The following RFX4 variants were observed in gnomAD, a reference collection of about 807,000 sequenced individuals.
The protein encoded by RFX4 is transcription factor RFX4.
RFX4 carries 10 observed loss-of-function variants against 95.0 expected under a neutral mutation model. The observed-to-expected ratio is 0.11, with a 90% CI of 0.06 to 0.18. The LOEUF is 0.18. Ranked by LOEUF, RFX4 falls within the 10% of genes least tolerant of loss-of-function variation. The probability of loss-of-function intolerance (pLI) is 1.00; values close to 1 mark genes in which losing one functional copy is unlikely to be tolerated. For synonymous variants in RFX4, 321 were observed against 340.7 expected (o/e 0.94, Z 0.64); for missense variants, 640 against 922.0 (o/e 0.69, Z 3.96).
rs752216540 is a variant in RFX4, at chr12:106,682,034, C to T, written c.357C>T (p.Leu119=). The part of the protein sequence containing the change: ...QQFPQLTTRR[L]GTRGQSKYHY... ...TTCCTCAGTTAACCACCAGAAGACT[C>T]GGGACCCGAGGACAGTCAAAGTAAG... is the stretch of plus-strand genomic sequence containing the variant. Residue 119 remains leucine (L), a synonymous_variant, in exon 5 of 18, where the codon CTC becomes CTT. Transcript: ENST00000392842. 11 of 1,614,158 alleles carry T rather than the reference C, an allele frequency of 6.8e-6. No homozygotes were observed. Among genetic ancestry groups the T allele is most frequent in the East Asian group, 2.2e-5 (1 of 44,880 alleles).
At chr12:106,596,152 G>C (rs1297818948) in intron 1 of RFX4, among the ~76,000 whole-genome samples, 1 of 152,182 alleles carries the variant, frequency 6.6e-6, no homozygotes, top group African/African-American at 2.4e-5. Flanking sequence ...TCATCTTGTA[G>C]CTCCCATAAT....
chr12:106,759,466 T>C (rs1235608354), intron 17 of RFX4, among the ~76,000 whole-genome samples: 2 of 152,192 alleles, frequency 1.3e-5, no homozygotes, highest in South Asian at 2.1e-4. Flanking sequence ...TAGTTCCTAA[T>C]GTTATCTGTT....
chr12:106,583,543 G>A lies in RFX4; in HGVS notation c.43+180G>A, dbSNP rs1273410485. 2.6e-5 allele frequency: 14 copies of A among 533,560 alleles called. No individual in the cohort carries two copies. The East Asian group carries it at 4.4e-4, about 17-fold the overall frequency. 33.1% of individuals were successfully genotyped at this position (533,560 alleles called of 1,614,324 possible). On this transcript the variant is annotated intron_variant, in intron 1 of 17. Coordinates refer to ENST00000392842, the MANE Select transcript of RFX4 (RefSeq NM_213594.3). ...GGCGATGTGTGTAACTGGATGCGTG[G>A]AAGTATGTGTATAAGCGTGTGATTG... is the stretch of plus-strand genomic sequence containing the variant.
chr12:106,645,811 T>C lies in RFX4; in HGVS notation c.191+6419T>C, dbSNP rs1565962556. On this transcript the variant is annotated intron_variant, in intron 3 of 17. Coordinates refer to ENST00000392842, the MANE Select transcript of RFX4 (RefSeq NM_213594.3). ...CAGAACATTGCTTTCATAATGTGAG[T>C]TAGGTAACATGGTTCTAAAAAGGGA... 7 of 841,948 alleles carry C rather than the reference T, an allele frequency of 8.3e-6. No individual in the cohort carries two copies. The East Asian group carries it at 3.8e-4, about 46-fold the overall frequency. The allele number at this position is 841,948 out of a possible 1,614,324, so 52.2% of individuals were successfully genotyped here.
intron 10 of RFX4, among the ~76,000 whole-genome samples, chr12:106,714,054 G>A (rs987876099): frequency 1.3e-5 from 1 of 79,756 alleles, no homozygotes; most frequent in African/African-American, 5.8e-5. Context: ...GGCAACAAGA[G>A]TGAAACTCCA....
rs1229450417 is a variant in RFX4 at position 106,715,429 on chromosome 12, C to T, written c.1023C>T (p.Asp341=). Residue 341 remains aspartate (D), a synonymous_variant, in exon 11 of 18, where the codon GAC becomes GAT. Transcript: ENST00000392842. Reference sequence around the variant, plus strand: ...CTCGAACAGTGATCCACAGTGCAGACATCACGTTCCAAATGCTGGAAGACT... The same window carrying T: ...CTCGAACAGTGATCCACAGTGCAGATATCACGTTCCAAATGCTGGAAGACT... The part of the protein sequence containing the change: ...QASRTVIHSA[D]ITFQMLEDWR... 1.2e-6 allele frequency: 2 copies of T among 1,614,092 alleles called. No homozygotes were observed. The highest frequency in any genetic ancestry group is 1.7e-6 in the Non-Finnish European group (2 of 1,180,036).
chr12:106,671,625 A>C (rs1478001453), intron 4 of RFX4, among the ~76,000 whole-genome samples: 1 of 152,008 alleles, frequency 6.6e-6, no homozygotes, highest in African/African-American at 2.4e-5. Context: ...TGAGATCATC[A>C]TACTCTCTTC....
intron 17 of RFX4, among the ~76,000 whole-genome samples, chr12:106,754,918 A>C (rs1433197011): frequency 6.6e-6 from 1 of 152,228 alleles, no homozygotes; most frequent in Non-Finnish European, 1.5e-5. Context: ...GGAAGAAATT[A>C]ATTATATCAG....
intron 1 of RFX4, among the ~76,000 whole-genome samples, chr12:106,604,413 C>T (rs948362226): frequency 6.6e-5 from 10 of 152,096 alleles, no homozygotes; most frequent in African/African-American, 2.2e-4. Flanking sequence ...TGAGCCACCA[C>T]ACCTGGCCGC....
chr12:106,735,232 G>A (rs2042689044), intron 15 of RFX4, among the ~76,000 whole-genome samples: 1 of 152,088 alleles, frequency 6.6e-6, no homozygotes, highest in Non-Finnish European at 1.5e-5. Context: ...CTGAGCTGAG[G>A]AGTTCTCTGA....
At position 106,689,300 on chromosome 12, in the gene RFX4, T is replaced by G; in HGVS notation, c.605T>G (p.Ile202Ser). Residue 202 changes from isoleucine to serine, a missense_variant, in exon 7 of 18, where the codon ATT becomes AGT. Ile to Ser is a moderately radical substitution (Grantham distance 142). Transcript: ENST00000392842. ...ACACCCCCACAGGTTTCTACCTTTATTATGATGTACAGAACACACTGTCAG... is the reference window on the plus strand; with the variant it reads ...ACACCCCCACAGGTTTCTACCTTTAGTATGATGTACAGAACACACTGTCAG... ...SLPEEKVSTFIMMYRTHCQRI... is the reference protein window; with the variant it reads ...SLPEEKVSTFSMMYRTHCQRI... The G allele has an allele frequency of 6.2e-7, 1 of 1,613,416 alleles. No homozygotes were observed. Among genetic ancestry groups the G allele is most frequent in the Non-Finnish European group, 8.5e-7 (1 of 1,179,336 alleles).
At chr12:106,707,904 G>C (rs1004875507) in intron 8 of RFX4, among the ~76,000 whole-genome samples, 4 of 152,180 alleles carry the variant, frequency 2.6e-5, no homozygotes, top group Admixed American at 1.3e-4. Flanking sequence ...AGGCCAAGGC[G>C]GGTGGATCAC....
intron 3 of RFX4, among the ~76,000 whole-genome samples, chr12:106,647,990 A>G (rs1055437436): frequency 6.6e-6 from 1 of 152,212 alleles, no homozygotes; most frequent in Admixed American, 6.5e-5. Context: ...TATTTGAGCC[A>G]TAAGCTATGA....
At chr12:106,615,561 T>C (rs1287488682) in intron 2 of RFX4, among the ~76,000 whole-genome samples, 1 of 152,242 alleles carries the variant, frequency 6.6e-6, no homozygotes, top group East Asian at 1.9e-4. Flanking sequence ...GAATCTATAA[T>C]AAATTTGGGA....
intron 5 of RFX4, 64 bp downstream of exon 5, chr12:106,682,118 C>A: frequency 6.5e-7 from 1 of 1,530,476 alleles, no homozygotes; most frequent in East Asian, 2.2e-5. Context: ...ACAGGCCACA[C>A]CCTTGGCTCT....
intron 1 of RFX4, among the ~76,000 whole-genome samples, chr12:106,599,075 T>C (rs1165161494): frequency 6.6e-6 from 1 of 152,126 alleles, no homozygotes; most frequent in African/African-American, 2.4e-5. Context: ...ACACCTTAGG[T>C]TGAATTTTCT....
At chr12:106,587,678 C>T (rs1467791954) in intron 1 of RFX4, among the ~76,000 whole-genome samples, 1 of 152,246 alleles carries the variant, frequency 6.6e-6, no homozygotes, top group African/African-American at 2.4e-5. Flanking sequence ...GCAGTGCGCC[C>T]GCCTCCCCAG....
intron 5 of RFX4, chr12:106,683,660 G>A (rs192309074): frequency 8.5e-5 from 13 of 152,144 alleles, no homozygotes; most frequent in African/African-American, 3.1e-4. Flanking sequence ...TGGATAGAAC[G>A]ATATGGAATA....
At chr12:106,708,542 G>A (rs2042131655) in intron 8 of RFX4, among the ~76,000 whole-genome samples, 1 of 152,150 alleles carries the variant, frequency 6.6e-6, no homozygotes, top group Non-Finnish European at 1.5e-5. Flanking sequence ...GACAGTGGGT[G>A]AAAGGCTGAA....
Sources: allele counts gnomAD v4.1 joint callset (sites outside exome capture counted in the v4.1 genomes callset), GRCh38; gene constraint gnomAD v4.1.1; transcripts MANE v1.5; gene names NCBI Gene and HGNC (gene_info 2026-07-23, HGNC 2026-07-21).